Variants in MYRIP observed in about 807,000 individuals in gnomAD.
MYRIP encodes the protein rab effector MyRIP.
A neutral mutation model predicts 98.0 loss-of-function variants in MYRIP; 49 were observed. The ratio of observed to expected loss-of-function variants is 0.50; its 90% CI spans 0.40 to 0.63. MYRIP has a LOEUF of 0.63. Among genes scored for constraint, MYRIP ranks in the 30% least tolerant of loss-of-function variants. The pLI is 0.00. For missense variants in MYRIP, 1,004 were observed against 1,058.2 expected, an observed-to-expected ratio of 0.95 and a Z score of 0.71; for synonymous variants, 404 against 409.5, an observed-to-expected ratio of 0.99 and a Z score of 0.16.
At chr3:40,188,075 T>C (rs1951084953) in intron 9 of MYRIP, among the ~76,000 whole-genome samples, 1 of 152,028 alleles carries the variant, frequency 6.6e-6, no homozygotes. Context: ...ACTCTCAAAA[T>C]AAAAATAACT....
chr3:40,126,205 C>T (rs1031522653), intron 3 of MYRIP, among the ~76,000 whole-genome samples: 11 of 152,204 alleles, frequency 7.2e-5, no homozygotes, highest in Admixed American at 6.5e-4. Flanking sequence ...GAGAAGTTAT[C>T]TGAAATGCCC....
intron 3 of MYRIP, among the ~76,000 whole-genome samples, chr3:40,128,227 A>C (rs1188294070): frequency 6.6e-6 from 1 of 152,208 alleles, no homozygotes; most frequent in Non-Finnish European, 1.5e-5. Context: ...GTCCAGTGGC[A>C]GCAAGCTGGA....
chr3:39,873,913 T>G (rs564664984), intron 1 of MYRIP, among the ~76,000 whole-genome samples: 1 of 152,262 alleles, frequency 6.6e-6, no homozygotes, highest in Admixed American at 6.5e-5. Flanking sequence ...GCATTGAATC[T>G]GTAAATTACC....
At chr3:40,181,411 A>G (rs1950880366) in intron 8 of MYRIP, among the ~76,000 whole-genome samples, 1 of 152,210 alleles carries the variant, frequency 6.6e-6, no homozygotes, top group Non-Finnish European at 1.5e-5. Flanking sequence ...TGCTGACATC[A>G]ACCAGCAGGT....
intron 8 of MYRIP, 150 bp from the exon 9 acceptor site, chr3:40,182,070 T>G: frequency 1.2e-6 from 1 of 810,874 alleles, no homozygotes. Context: ...TATATACTGA[T>G]TTGCAGCTTT....
intron 3 of MYRIP, among the ~76,000 whole-genome samples, chr3:40,136,098 A>T (rs921863034): frequency 1.3e-5 from 2 of 152,228 alleles, no homozygotes; most frequent in Admixed American, 1.3e-4. Context: ...CAAATTGGAT[A>T]AAGAGTCAAG....
intron 2 of MYRIP, among the ~76,000 whole-genome samples, chr3:40,025,797 A>G (rs187597367): frequency 6.6e-6 from 1 of 152,266 alleles, no homozygotes; most frequent in East Asian, 1.9e-4. Flanking sequence ...ACGAACAGGG[A>G]GTAGGTCACA....
In MYRIP at chr3:40,239,129, T is replaced by C. The variant is rs549677939; in HGVS notation, c.2100+5076T>C. ...GTGTCCATGTGTTCTCATTGTTCAA[T>C]TCCCATCTATGAGTGAGAATATGCA... On this transcript the variant is annotated intron_variant, in intron 12 of 16. Coordinates refer to ENST00000302541, the MANE Select transcript of MYRIP (RefSeq NM_015460.4). Among the ~76,000 whole-genome samples, 24 of 148,012 alleles carry C rather than the reference T, an allele frequency of 1.6e-4. No homozygotes were observed. In the South Asian group the frequency reaches 3.7e-3, roughly 23 times the overall value.
chr3:39,872,667 T>G (rs998137495), intron 1 of MYRIP, among the ~76,000 whole-genome samples: 21 of 152,170 alleles, frequency 1.4e-4, no homozygotes, highest in African/African-American at 4.6e-4. Flanking sequence ...GGACATGAAC[T>G]CATCATTTTT....
At chr3:40,078,554 A>C (rs1426946492) in intron 3 of MYRIP, among the ~76,000 whole-genome samples, 1 of 152,206 alleles carries the variant, frequency 6.6e-6, no homozygotes, top group East Asian at 1.9e-4. Flanking sequence ...TTTTGGTACC[A>C]CATTTTAAAA....
chr3:39,911,784 C>T (rs1401701264), intron 2 of MYRIP, among the ~76,000 whole-genome samples: 1 of 152,212 alleles, frequency 6.6e-6, no homozygotes, highest in African/African-American at 2.4e-5. Flanking sequence ...GTGCTGGTGG[C>T]ATGACAACTT....
chr3:39,876,952 G>C (rs1296389968), intron 1 of MYRIP, among the ~76,000 whole-genome samples: 5 of 152,146 alleles, frequency 3.3e-5, no homozygotes, highest in African/African-American at 7.2e-5. Flanking sequence ...AACTTGGTTT[G>C]ATTCTCCCCG....
chr3:39,942,266 G>C (rs9862406), intron 2 of MYRIP, among the ~76,000 whole-genome samples: 2 of 151,998 alleles, frequency 1.3e-5, no homozygotes, highest in Admixed American at 6.6e-5. Flanking sequence ...TTGTATGTAC[G>C]GCGTGGAAGG....
chr3:39,980,815 C>T (rs1945875485), intron 2 of MYRIP, among the ~76,000 whole-genome samples: 1 of 152,064 alleles, frequency 6.6e-6, no homozygotes, highest in Non-Finnish European at 1.5e-5. Context: ...TTCAAAATAT[C>T]TATAAGTGCC....
intron 2 of MYRIP, among the ~76,000 whole-genome samples, chr3:40,024,325 G>A (rs1198464341): frequency 6.6e-6 from 1 of 152,146 alleles, no homozygotes; most frequent in East Asian, 1.9e-4. Context: ...GATAGTGATT[G>A]TCAAATGGTG....
chr3:39,867,153 C>T (rs979119536), intron 1 of MYRIP, among the ~76,000 whole-genome samples: 4 of 152,154 alleles, frequency 2.6e-5, no homozygotes, highest in African/African-American at 9.7e-5. Flanking sequence ...GGGCTCCTCT[C>T]TTACACTACT....
intron 3 of MYRIP, among the ~76,000 whole-genome samples, chr3:40,099,671 T>G (rs1948904348): frequency 6.6e-6 from 1 of 152,204 alleles, no homozygotes. Context: ...CTCTTCCAAT[T>G]ATTCCCTTCC....
At chr3:40,172,613 T>C (rs1478788567) in intron 8 of MYRIP, among the ~76,000 whole-genome samples, 2 of 152,180 alleles carry the variant, frequency 1.3e-5, no homozygotes, top group Non-Finnish European at 2.9e-5. Flanking sequence ...GTATCCCCTG[T>C]GAGTTATGAG....
intron 2 of MYRIP, among the ~76,000 whole-genome samples, chr3:40,000,917 A>G (rs938382279): frequency 2.0e-5 from 3 of 152,130 alleles, no homozygotes; most frequent in Admixed American, 2.0e-4. Flanking sequence ...CCTACCCTGG[A>G]TTTGAATACC....
Sources: gnomAD v4.1 joint callset for allele counts (sites outside exome capture counted in the v4.1 genomes callset) on GRCh38, gnomAD v4.1.1 for gene constraint, MANE v1.5 for transcripts, NCBI Gene and HGNC (gene_info 2026-07-23, HGNC 2026-07-21) for gene names.